ABLIM1: variants seen among roughly 807,000 people sequenced by gnomAD.
ABLIM1 encodes actin-binding LIM protein 1.
In ABLIM1, 40 loss-of-function variants were observed where a neutral mutation model predicts 107.0. The ratio of observed to expected loss-of-function variants is 0.37; its 90% confidence interval spans 0.29 to 0.49. The LOEUF (loss-of-function observed/expected upper bound fraction) is 0.49. Ranked by LOEUF, ABLIM1 falls within the 20% of genes least tolerant of loss-of-function variation. The pLI is 0.97. For synonymous variants in ABLIM1, 357 were observed against 357.3 expected (o/e 1.00, Z 0.01); for missense variants, 857 against 1,008.5 (o/e 0.85, Z 2.04).
At chr10:114,553,420 C>T (rs1029563710) in intron 4 of ABLIM1, among the ~76,000 whole-genome samples, 2 of 152,156 alleles carry the variant, frequency 1.3e-5, no homozygotes, top group African/African-American at 4.8e-5. Context: ...TCCCATCTTC[C>T]AAGGAAAGGT....
intron 1 of ABLIM1, among the ~76,000 whole-genome samples, chr10:114,680,874 C>CT (rs2080717725): frequency 6.6e-6 from 1 of 152,328 alleles, no homozygotes; most frequent in Middle Eastern, 3.4e-3. Flanking sequence ...AGCATGGTGC[C>CT]TGCCACCTGT....
chr10:114,569,716 G>A (rs938969573), intron 4 of ABLIM1, among the ~76,000 whole-genome samples: 3 of 152,150 alleles, frequency 2.0e-5, no homozygotes, highest in Non-Finnish European at 4.4e-5. Flanking sequence ...CCAGTGACCA[G>A]AGGCTAACTG....
intron 1 of ABLIM1, among the ~76,000 whole-genome samples, chr10:114,727,275 G>C (rs1313855401): frequency 2.6e-5 from 4 of 152,098 alleles, no homozygotes; most frequent in Non-Finnish European, 5.9e-5. Flanking sequence ...TAGTTAACAA[G>C]ATAAAATTTC....
chr10:114,453,088 T>C (rs2062144579), intron 13 of ABLIM1, among the ~76,000 whole-genome samples: 1 of 152,176 alleles, frequency 6.6e-6, no homozygotes, highest in Admixed American at 6.5e-5. Flanking sequence ...AAGGCAATGA[T>C]AAAAAGGTAC....
At chr10:114,563,219 C>T (rs942641874) in intron 4 of ABLIM1, among the ~76,000 whole-genome samples, 2 of 152,260 alleles carry the variant, frequency 1.3e-5, no homozygotes. Context: ...GATGGGATTT[C>T]GGGTGATCTT....
chr10:114,584,213 G>A (rs1247264096), intron 2 of ABLIM1, among the ~76,000 whole-genome samples: 2 of 152,174 alleles, frequency 1.3e-5, no homozygotes, highest in Non-Finnish European at 2.9e-5. Context: ...TTCCTAGGCT[G>A]TCATGTGCTA....
exon 1 of ABLIM1, chr10:114,684,633 C>A: frequency 8.3e-7 from 1 of 1,203,158 alleles, no homozygotes; most frequent in Non-Finnish European, 1.0e-6. Flanking sequence ...AGACCCCTTG[C>A]AAAAGCACAT....
At chr10:114,719,109 T>G (rs2142025850) in intron 1 of ABLIM1, among the ~76,000 whole-genome samples, 1 of 152,274 alleles carries the variant, frequency 6.6e-6, no homozygotes, top group South Asian at 2.1e-4. Context: ...GGGAGGATAA[T>G]GTGAAGCCAA....
intron 1 of ABLIM1, among the ~76,000 whole-genome samples, chr10:114,735,311 C>T (rs974629394): frequency 2.0e-5 from 3 of 152,126 alleles, no homozygotes; most frequent in African/African-American, 4.8e-5. Flanking sequence ...GTAGCACAAT[C>T]GAGTACAGAT....
intron 19 of ABLIM1, among the ~76,000 whole-genome samples, 188 bp from the exon 20 acceptor site, chr10:114,440,277 G>A (rs1026063268): frequency 2.0e-5 from 3 of 152,174 alleles, no homozygotes; most frequent in African/African-American, 7.2e-5. Flanking sequence ...CTGGTCCAGT[G>A]TTAGTTAACA....
chr10:114,678,347 A>G (rs973071816), intron 1 of ABLIM1, among the ~76,000 whole-genome samples: 3 of 152,240 alleles, frequency 2.0e-5, no homozygotes, highest in Non-Finnish European at 4.4e-5. Flanking sequence ...CAATCATATA[A>G]TTGTTTTCTG....
intron 6 of ABLIM1, among the ~76,000 whole-genome samples, chr10:114,533,350 T>A (rs1427581570): frequency 2.0e-5 from 3 of 151,842 alleles, no homozygotes; most frequent in Non-Finnish European, 4.4e-5. Context: ...CAAAAAAAAA[T>A]AAAATAAAAT....
At chr10:114,768,663 G>A (rs370493409), upstream of ABLIM1, among the ~76,000 whole-genome samples, 526 of 152,144 alleles carry the variant, frequency 3.5e-3, 2 homozygotes, top group African/African-American at 0.012. Flanking sequence ...CTATGGGCGG[G>A]GTGGGATGGG....
At chr10:114,491,267 A>T (rs562350315) in intron 7 of ABLIM1, among the ~76,000 whole-genome samples, 2 of 151,634 alleles carry the variant, frequency 1.3e-5, no homozygotes, top group Admixed American at 1.3e-4. Flanking sequence ...AGAGCTAATC[A>T]ACTTAATGGG....
rs150249780 is a variant in ABLIM1 at position 114,496,959 on chromosome 10, T to C, written c.895-5081A>G. Among the ~76,000 whole-genome samples the C allele has an allele frequency of 1.9e-3, 284 of 152,308 alleles. 1 individual carries two copies. Among genetic ancestry groups the C allele is most frequent in the Middle Eastern group, 6.8e-3 (2 of 294 alleles). The stretch of plus-strand genomic sequence containing the variant: ...CCCATGATGGTTCACAGAGAAGCCA[T>C]GTGCACAAGGCCAGGAAAAGTAACA... On this transcript the variant is annotated intron_variant, in intron 6 of 22. Transcript: ENST00000533213.
intron 6 of ABLIM1, among the ~76,000 whole-genome samples, chr10:114,509,942 G>C (rs753759892): frequency 1.3e-5 from 2 of 152,142 alleles, no homozygotes; most frequent in Admixed American, 6.5e-5. Context: ...CTTACATGGC[G>C]GCCAGCAAGA....
chr10:114,502,416 AG>A (rs1444170754), intron 6 of ABLIM1: 1 of 152,198 alleles, frequency 6.6e-6, no homozygotes, highest in African/African-American at 2.4e-5. Flanking sequence ...CTCTCTTACA[AG>A]GTAGGTAGAA....
chr10:114,465,749 G>A lies in ABLIM1; in HGVS notation c.1390C>T (p.His464Tyr), dbSNP rs1303216541. ...CGGGACGTGGTTGGAGTGTAGCTGT[G>A]GCGGCTGTACACAGGGGAGTTGATG... ...GSINSPVYSR[H>Y]SYTPTTSRSP... Residue 464 changes from histidine (H) to tyrosine (Y), a missense_variant, in exon 12 of 23, where the codon CAC (histidine) becomes TAC (tyrosine). His to Tyr is a moderately conservative substitution (Grantham distance 83, BLOSUM62 2). Coordinates refer to ENST00000533213, the MANE Select transcript of ABLIM1 (RefSeq NM_002313.7). 1.2e-6 allele frequency: 2 copies of A among 1,614,040 alleles called. No homozygotes were observed. The highest frequency in any genetic ancestry group is 2.2e-5 in the South Asian group (2 of 91,076).
At chr10:114,655,388 A>G (rs530972777) in intron 1 of ABLIM1, among the ~76,000 whole-genome samples, 1 of 152,328 alleles carries the variant, frequency 6.6e-6, no homozygotes, top group East Asian at 1.9e-4. Flanking sequence ...ATTAAACTAC[A>G]GCTTACCTGG....
Sources: allele counts gnomAD v4.1 joint callset (sites outside exome capture counted in the v4.1 genomes callset), GRCh38; gene constraint gnomAD v4.1.1; transcripts MANE v1.5; gene names NCBI Gene and HGNC (gene_info 2026-07-23, HGNC 2026-07-21).